The following MCCC1 variants were observed in gnomAD, a reference collection of about 807,000 sequenced individuals.
MCCC1 encodes the protein methylcrotonyl-CoA carboxylase subunit 1.
In MCCC1, 64 loss-of-function variants were observed where a neutral mutation model predicts 83.8. That is an observed-to-expected ratio of 0.76 (90% CI 0.62 to 0.94). MCCC1 has a LOEUF of 0.94. Among genes scored for constraint, MCCC1 ranks in the 40% least tolerant of loss-of-function variants. The probability of loss-of-function intolerance (pLI) is 0.00; values close to 1 mark genes in which losing one functional copy is unlikely to be tolerated. For missense variants in MCCC1, 807 were observed against 904.7 expected, an observed-to-expected ratio of 0.89 and a Z score of 1.39; for synonymous variants, 322 against 315.4, an observed-to-expected ratio of 1.02 and a Z score of -0.22.
chr3:183,088,562 G>T (rs1009398292), intron 3 of MCCC1, among the ~76,000 whole-genome samples: 5 of 152,270 alleles, frequency 3.3e-5, no homozygotes, highest in Admixed American at 3.3e-4. Flanking sequence ...TAAAGAAAGT[G>T]AATTATAATA....
intron 14 of MCCC1, chr3:183,029,042 A>G (rs1712838170): frequency 1.3e-5 from 2 of 152,206 alleles, no homozygotes; most frequent in Non-Finnish European, 2.9e-5. Context: ...AATAAAGTAT[A>G]ATATAAACAT....
At position 183,024,165 on chromosome 3, in the gene MCCC1, G is replaced by A. The variant is rs552675618; in HGVS notation, c.1731+1590C>T. ...CTTGGGAGGCTGAGGCAGGAGAATC[G>A]CTTGAACCTGGGAGGTGGGGGTTGT... On this transcript the variant is annotated intron_variant, in intron 15 of 18. Coordinates refer to ENST00000265594, the MANE Select transcript of MCCC1 (RefSeq NM_020166.5). 4.6e-5 allele frequency among the ~76,000 whole-genome samples: 7 copies of A among 152,228 alleles called. No homozygotes were observed. The East Asian group carries it at 7.7e-4, about 17-fold the overall frequency.
intron 4 of MCCC1, among the ~76,000 whole-genome samples, chr3:183,076,251 CT>C (rs1717064403): frequency 6.6e-6 from 1 of 152,094 alleles, no homozygotes; most frequent in Non-Finnish European, 1.5e-5. Flanking sequence ...ATAGTTTTGC[CT>C]TTAAAAAAAT....
intron 14 of MCCC1, among the ~76,000 whole-genome samples, chr3:183,031,209 A>T (rs1228357801): frequency 6.6e-6 from 1 of 152,208 alleles, no homozygotes; most frequent in Admixed American, 6.5e-5. Flanking sequence ...GAGATTAGTA[A>T]TTTATAAAGT....
chr3:183,092,752 ATAAAT>A (rs1247750873), intron 2 of MCCC1, among the ~76,000 whole-genome samples: 1 of 152,260 alleles, frequency 6.6e-6, no homozygotes, highest in Non-Finnish European at 1.5e-5. Flanking sequence ...ACTCATTAAC[ATAAAT>A]TACTCAGCTT....
rs1371650689 is a variant in MCCC1, at chr3:183,064,862, G to A, written c.761+6137C>T. 6.6e-6 allele frequency among the ~76,000 whole-genome samples: 1 copy of A among 152,060 alleles called. No individual in the cohort carries two copies. Among genetic ancestry groups the A allele is most frequent in the East Asian group, 1.9e-4 (1 of 5,186 alleles). Reference sequence around the variant, plus strand: ...CACCTGAACTTTTTATTTAGTGTCGGTTGCAATGGGCGGGTCTTTCTCTGG... The same window carrying A: ...CACCTGAACTTTTTATTTAGTGTCGATTGCAATGGGCGGGTCTTTCTCTGG... On this transcript the variant is annotated intron_variant, in intron 7 of 18. Coordinates refer to ENST00000265594, the MANE Select transcript of MCCC1 (RefSeq NM_020166.5). The surrounding 1 kb of genome is among the most constrained non-coding windows in gnomAD (Gnocchi z 4.5).
At chr3:183,037,884 A>G (rs184965417) in intron 12 of MCCC1, among the ~76,000 whole-genome samples, 3 of 152,348 alleles carry the variant, frequency 2.0e-5, no homozygotes, top group Non-Finnish European at 4.4e-5. Flanking sequence ...AATGCCCTCA[A>G]AAGAGCTTCT....
At position 183,022,461 on chromosome 3, in the gene MCCC1, C is replaced by T. The variant is rs748269309; in HGVS notation, c.1825G>A (p.Ala609Thr). The change falls in exon 16 of 19, where the codon GCG (alanine) becomes ACG (threonine). Residue 609 changes from alanine (A) to threonine (T), a missense_variant. Transcript: ENST00000265594. Reference protein sequence around the residue: ...KCSVNGVASKAKLIILENTIY... With the variant: ...KCSVNGVASKTKLIILENTIY... The stretch of plus-strand genomic sequence containing the variant: ...GTGTTTTCCAGGATAATCAGCTTCG[C>T]TTTACTAGCAACTCCATTAACAGAA... The T allele has an allele frequency of 1.9e-6, 3 of 1,614,140 alleles. No homozygotes were observed. The highest frequency in any genetic ancestry group is 2.5e-6 in the Non-Finnish European group (3 of 1,180,014).
chr3:183,082,371 A>T (rs1717574649), intron 4 of MCCC1, among the ~76,000 whole-genome samples: 1 of 152,252 alleles, frequency 6.6e-6, no homozygotes. Flanking sequence ...TAAAACATTC[A>T]TGCTCAGGAG....
intron 7 of MCCC1, among the ~76,000 whole-genome samples, chr3:183,061,179 A>G (rs771116037): frequency 4.6e-5 from 7 of 152,138 alleles, no homozygotes; most frequent in Non-Finnish European, 1.0e-4. Context: ...GAGGGAAAGC[A>G]TTCTATAAAC....
chr3:183,064,480 C>T lies in MCCC1; in HGVS notation c.761+6519G>A, dbSNP rs1716092929. Reference sequence around the variant, plus strand: ...GGGCACCCAGGAAGCTCCGTAAAGGCTTCTGGGACGGGCAGAAGCCCCGCG... The same window carrying T: ...GGGCACCCAGGAAGCTCCGTAAAGGTTTCTGGGACGGGCAGAAGCCCCGCG... On this transcript the variant is annotated intron_variant, in intron 7 of 18. Coordinates refer to ENST00000265594, the MANE Select transcript of MCCC1 (RefSeq NM_020166.5). The surrounding 1 kb of genome is among the most constrained non-coding windows in gnomAD (Gnocchi z 4.5). Among the ~76,000 whole-genome samples, 1 of 152,204 alleles carries T rather than the reference C, an allele frequency of 6.6e-6. No individual in the cohort carries two copies. Among genetic ancestry groups the T allele is most frequent in the African/African-American group, 2.4e-5 (1 of 41,462 alleles).
chr3:183,115,125 G>C (rs889705631), intron 1 of MCCC1, among the ~76,000 whole-genome samples: 1 of 152,062 alleles, frequency 6.6e-6, no homozygotes, highest in Non-Finnish European at 1.5e-5. Context: ...CCCCTCTGAC[G>C]GCCTTGATAA....
intron 2 of MCCC1, among the ~76,000 whole-genome samples, chr3:183,093,128 A>C (rs1560282000): frequency 6.6e-6 from 1 of 152,124 alleles, no homozygotes; most frequent in Non-Finnish European, 1.5e-5. Flanking sequence ...TCCTGACCTC[A>C]GGTGATCCAC....
At chr3:183,029,690 AT>A (rs10709578) in intron 14 of MCCC1, among the ~76,000 whole-genome samples, 33,454 of 151,188 alleles carry the variant, frequency 0.22, 4,296 homozygotes, top group East Asian at 0.58. Flanking sequence ...CTGGCATCTT[AT>A]TTTTTTTTCC....
chr3:183,031,418 T>A (rs1480601194), intron 14 of MCCC1, among the ~76,000 whole-genome samples: 1 of 150,430 alleles, frequency 6.6e-6, no homozygotes, highest in Admixed American at 6.6e-5. Flanking sequence ...CTTGAATACT[T>A]AAAATAGTTG....
chr3:183,043,665 C>A (rs1338863337), intron 10 of MCCC1, among the ~76,000 whole-genome samples: 1 of 152,188 alleles, frequency 6.6e-6, no homozygotes, highest in African/African-American at 2.4e-5. Flanking sequence ...ACTCTATAAA[C>A]CAGGTCCAGC....
intron 9 of MCCC1, among the ~76,000 whole-genome samples, chr3:183,046,207 C>T (rs186352371): frequency 6.6e-6 from 1 of 152,320 alleles, no homozygotes; most frequent in Admixed American, 6.5e-5. Flanking sequence ...GAATCAGTCC[C>T]TTCACTAAAC....
chr3:183,053,552 A>G (rs2108499536), intron 8 of MCCC1, among the ~76,000 whole-genome samples: 1 of 152,078 alleles, frequency 6.6e-6, no homozygotes, highest in East Asian at 2.0e-4. Context: ...CATGCCTGTA[A>G]TCCCAGCAGT....
intron 9 of MCCC1, 74 bp from the exon 10 acceptor site, chr3:183,045,614 C>T (rs1045715433): frequency 5.3e-6 from 8 of 1,514,870 alleles, no homozygotes; most frequent in Non-Finnish European, 6.4e-6. Flanking sequence ...CATGATGCAT[C>T]ACATCAAGTT....
Sources: allele counts gnomAD v4.1 joint callset (sites outside exome capture counted in the v4.1 genomes callset), GRCh38; gene constraint gnomAD v4.1.1; non-coding constraint Gnocchi (gnomAD v3.1); transcripts MANE v1.5; gene names NCBI Gene and HGNC (gene_info 2026-07-23, HGNC 2026-07-21).